Variants in TSKS observed in about 807,000 individuals in gnomAD.
The protein encoded by TSKS is testis specific serine kinase substrate, also known as testis-specific serine kinase substrate.
TSKS carries 27 observed loss-of-function variants against 68.0 expected under a neutral mutation model. The ratio of observed to expected loss-of-function variants is 0.40; its 90% CI spans 0.29 to 0.55. The LOEUF is 0.55. TSKS is among the 20% of genes least tolerant of loss of function. The pLI is 0.53. For missense variants in TSKS, 806 were observed against 776.0 expected (o/e 1.04, Z -0.46); for synonymous variants, 331 against 340.4 (o/e 0.97, Z 0.30).
At chr19:49,762,975 C>G in intron 1 of TSKS, 103 bp downstream of exon 1, 15 of 1,451,982 alleles carry the variant, frequency 1.0e-5, no homozygotes, top group Non-Finnish European at 1.4e-5. Context: ...GACCTGCTGG[C>G]TTTTCCCCCT....
At chr19:49,747,539 G>T in intron 4 of TSKS, 67 bp from the exon 5 acceptor site, 1 of 1,540,984 alleles carries the variant, frequency 6.5e-7, no homozygotes. Flanking sequence ...CCCTTAGCCT[G>T]TCTGTTTCCA....
chr19:49,758,102 T>TG (rs2084408090), intron 2 of TSKS, among the ~76,000 whole-genome samples: 1 of 147,666 alleles, frequency 6.8e-6, no homozygotes, highest in Non-Finnish European at 1.5e-5. Context: ...TCCTCTCTCT[T>TG]GGTCTCTGTC....
Position 49,763,074 on chromosome 19 carries a change from C to A in TSKS, c.170+4G>T. 1 of 1,610,822 alleles carries A rather than the reference C, an allele frequency of 6.2e-7. No homozygotes were observed. Among genetic ancestry groups the A allele is most frequent in the Admixed American group, 1.7e-5 (1 of 59,692 alleles). On this transcript the variant is annotated splice_donor_region_variant and intron_variant, in intron 1 of 10. Transcript: ENST00000246801. This position sits in a 1 kb window ranked among gnomAD's most constrained non-coding sequence, Gnocchi z 4.5. Reference sequence around the variant, plus strand: ...CCATCCCTGACAGTGTGCAACAAACCCACCCGTGGAACGACACGGCCTTCT... The same window carrying A: ...CCATCCCTGACAGTGTGCAACAAACACACCCGTGGAACGACACGGCCTTCT...
chr19:49,761,740 G>T (rs1377384104), intron 2 of TSKS, among the ~76,000 whole-genome samples: 15 of 152,166 alleles, frequency 9.9e-5, no homozygotes, highest in African/African-American at 3.6e-4. Flanking sequence ...GAGGTGGGAG[G>T]ATCACTTGAG....
chr19:49,746,253 G>A (rs1014442947), intron 6 of TSKS, among the ~76,000 whole-genome samples: 2 of 148,148 alleles, frequency 1.3e-5, no homozygotes, highest in African/African-American at 5.0e-5. Flanking sequence ...CGCAGCTCCT[G>A]GAGACTCCTC....
chr19:49,746,645 G>T lies in TSKS; in HGVS notation c.817C>A (p.Leu273Met). ...CCCTGGGACGTGGCGGCGGGGCCCA[G>T]GCTGTTCCAGGAGAGGCCAGCCTCC... ...KPEAGLSWNS[L>M]GPAATSQGCP... is the part of the protein sequence containing the mutation. Residue 273 changes from leucine to methionine, a missense_variant, in exon 6 of 11, where the codon CTG becomes ATG. Coordinates refer to ENST00000246801, the MANE Select transcript of TSKS (RefSeq NM_021733.2). 6.2e-7 allele frequency: 1 copy of T among 1,608,300 alleles called. No individual in the cohort carries two copies. Among genetic ancestry groups the T allele is most frequent in the Non-Finnish European group, 8.5e-7 (1 of 1,179,546 alleles).
chr19:49,757,926 C>G (rs2084405940), intron 2 of TSKS, among the ~76,000 whole-genome samples: 1 of 142,042 alleles, frequency 7.0e-6, no homozygotes, highest in South Asian at 2.2e-4. Flanking sequence ...GAGTCTCACT[C>G]TGTCACCAGG....
intron 5 of TSKS, 141 bp downstream of exon 5, chr19:49,747,248 G>A (rs893900710): frequency 7.1e-6 from 11 of 1,557,522 alleles, no homozygotes; most frequent in Non-Finnish European, 8.7e-6. Context: ...TCTTATCAGC[G>A]AGTTCTAAGG....
At chr19:49,745,174 C>A in intron 7 of TSKS, 28 bp downstream of exon 7, 1 of 1,537,224 alleles carries the variant, frequency 6.5e-7, no homozygotes, top group South Asian at 1.2e-5. Context: ...CCCTTCCGGT[C>A]TTCCCATGCA....
In TSKS at chr19:49,763,096, T is replaced by C. The variant is rs140939728; in HGVS notation, c.152A>G (p.Lys51Arg). 1 of 1,612,248 alleles carries C rather than the reference T, an allele frequency of 6.2e-7. No individual in the cohort carries two copies. The highest frequency in any genetic ancestry group is 8.5e-7 in the Non-Finnish European group (1 of 1,179,156). The change falls in exon 1 of 11, where the codon AAG (lysine) becomes AGG (arginine). Residue 51 changes from lysine (K) to arginine (R), a missense_variant. By Grantham distance (26) the Lys-to-Arg change is conservative. Coordinates refer to ENST00000246801, the MANE Select transcript of TSKS (RefSeq NM_021733.2). This position sits in a 1 kb window ranked among gnomAD's most constrained non-coding sequence, Gnocchi z 4.5. ...AACCCACCCGTGGAACGACACGGCC[T>C]TCTTTTTCTTCGGGATCCCCTTGGC... is the stretch of plus-strand genomic sequence containing the variant. Reference protein sequence around the residue: ...SRAKGIPKKKKAVSFHGVEPQ... With the variant: ...SRAKGIPKKKRAVSFHGVEPQ...
intron 4 of TSKS, 102 bp downstream of exon 4, chr19:49,747,983 A>G: frequency 8.9e-7 from 1 of 1,123,414 alleles, no homozygotes; most frequent in Non-Finnish European, 1.3e-6. Context: ...TGCTGGGATT[A>G]CAGATGTGAG....
In TSKS at chr19:49,744,319, C is replaced by G; in HGVS notation, c.1273G>C (p.Gly425Arg). Reference sequence around the variant, plus strand: ...CTTCGAGAGTTCTGAAATTGCCGCCCGAACTCCTCCAGAATGGGTTTCAGT... The same window carrying G: ...CTTCGAGAGTTCTGAAATTGCCGCCGGAACTCCTCCAGAATGGGTTTCAGT... The part of the protein sequence containing the change: ...GPLKPILEEF[G>R]RQFQNSRRGP... Residue 425 changes from glycine (G) to arginine (R), a missense_variant, in exon 8 of 11, where the codon GGG becomes CGG. Physicochemically the swap from Gly to Arg is moderately radical, Grantham distance 125 (BLOSUM62 -2). Transcript: ENST00000246801. 1 of 1,614,036 alleles carries G rather than the reference C, an allele frequency of 6.2e-7. No homozygotes were observed. Among genetic ancestry groups the G allele is most frequent in the Non-Finnish European group, 8.5e-7 (1 of 1,180,024 alleles).
intron 2 of TSKS, among the ~76,000 whole-genome samples, chr19:49,758,230 C>T (rs558895746): frequency 2.3e-4 from 35 of 152,064 alleles, no homozygotes; most frequent in Non-Finnish European, 3.8e-4. Context: ...TCTCTGTGTC[C>T]TTCTCTCTGC....
rs80039112 is a variant in TSKS at position 49,745,127 on chromosome 19, C to A, written c.1187+75G>T. ...CCATAGCTGATTGGCCTACCCATTT[C>A]CCTCAAGACCCCGCCCTCAGGTTGG... On this transcript the variant is annotated intron_variant, in intron 7 of 10. Transcript: ENST00000246801. 1,021 of 1,423,276 alleles carry A rather than the reference C, an allele frequency of 7.2e-4. 5 individuals are homozygous for A. The African/African-American group carries it at 0.013, about 18-fold the overall frequency. The allele number at this position is 1,423,276 out of a possible 1,614,324, so 88.2% of individuals were successfully genotyped here.
chr19:49,753,868 A>G (rs2084372063), intron 2 of TSKS, among the ~76,000 whole-genome samples: 1 of 151,162 alleles, frequency 6.6e-6, no homozygotes, highest in Non-Finnish European at 1.5e-5. Context: ...TTGCTACATT[A>G]TGATACTTTA....
chr19:49,759,661 AACCG>A, intron 2 of TSKS, among the ~76,000 whole-genome samples: 1 of 150,018 alleles, frequency 6.7e-6, no homozygotes, highest in Non-Finnish European at 1.5e-5. Flanking sequence ...AAAAAAAAAA[AACCG>A]AAAGAAAGAA....
chr19:49,746,361 A>C, intron 6 of TSKS, 109 bp downstream of exon 6: 1 of 1,295,684 alleles, frequency 7.7e-7, no homozygotes, highest in Non-Finnish European at 1.1e-6. Flanking sequence ...CACCTCAGCT[A>C]CTTGAGAACC....
chr19:49,759,522 C>T (rs2084422613), intron 2 of TSKS, among the ~76,000 whole-genome samples: 1 of 150,082 alleles, frequency 6.7e-6, no homozygotes, highest in Non-Finnish European at 1.5e-5. Flanking sequence ...GTAGTTACAG[C>T]TACTCGGGAG....
intron 6 of TSKS, among the ~76,000 whole-genome samples, chr19:49,745,933 T>C (rs1016577608): frequency 4.6e-5 from 7 of 152,034 alleles, no homozygotes; most frequent in Admixed American, 1.3e-4. Flanking sequence ...CCTGTAATCC[T>C]AGCACTTTGG....
Sources: allele counts gnomAD v4.1 joint callset (sites outside exome capture counted in the v4.1 genomes callset), GRCh38; gene constraint gnomAD v4.1.1; non-coding constraint Gnocchi (gnomAD v3.1); transcripts MANE v1.5; gene names NCBI Gene and HGNC (gene_info 2026-07-23, HGNC 2026-07-21).